CUX2: variants seen among roughly 807,000 people sequenced by gnomAD.
CUX2 encodes cut like homeobox 2.
In CUX2, 40 loss-of-function variants were observed where a neutral mutation model predicts 144.8. That is an observed-to-expected ratio of 0.28 (90% CI 0.21 to 0.36). CUX2 has a LOEUF of 0.36. CUX2 is among the 10% of genes least tolerant of loss of function. CUX2 has a pLI of 1.00. For missense variants in CUX2, 1,615 were observed against 1,994.0 expected, an observed-to-expected ratio of 0.81 and a Z score of 3.62; for synonymous variants, 827 against 875.6, an observed-to-expected ratio of 0.94 and a Z score of 0.98.
intron 1 of CUX2, among the ~76,000 whole-genome samples, chr12:111,136,825 C>T (rs903957967): frequency 7.2e-5 from 11 of 152,162 alleles, no homozygotes; most frequent in African/African-American, 2.7e-4. Context: ...AAGGTCAATG[C>T]CTTTGAAGTC....
chr12:111,184,073 C>G (rs1354313040), intron 1 of CUX2, among the ~76,000 whole-genome samples: 1 of 152,150 alleles, frequency 6.6e-6, no homozygotes, highest in East Asian at 1.9e-4. Context: ...AAGAGGCAGT[C>G]CCTTGCGGGG....
intron 21 of CUX2, among the ~76,000 whole-genome samples, chr12:111,345,236 T>C (rs1048368665): frequency 6.7e-6 from 1 of 149,714 alleles, no homozygotes. Flanking sequence ...GATCACGAAG[T>C]CAAGAGATCG....
intron 1 of CUX2, among the ~76,000 whole-genome samples, chr12:111,043,930 G>A (rs769538283): frequency 4.6e-5 from 7 of 152,292 alleles, no homozygotes; most frequent in Admixed American, 1.3e-4. Context: ...GATAGGACCC[G>A]TGCTGCGCTG....
Position 111,348,468 on chromosome 12 carries a change from T to C in CUX2, c.*143T>C. 2.4e-6 allele frequency: 2 copies of C among 817,132 alleles called. No individual in the cohort carries two copies. Among genetic ancestry groups the C allele is most frequent in the Middle Eastern group, 5.9e-4 (2 of 3,404 alleles). The allele number at this position is 817,132 out of a possible 1,614,324, so 50.6% of individuals were successfully genotyped here. A position where few individuals can be genotyped will look rare whatever the true frequency, so the allele number is the denominator to read the frequency against. ...ATGTTATGCCGTTTACGTTTTTTGT[T>C]GTAATCCTAGTTCTATGAAGCTGTG... On this transcript the variant is annotated 3_prime_UTR_variant, in exon 22 of 22. Transcript: ENST00000261726.
At chr12:111,078,170 C>CCA (rs1483984307) in intron 1 of CUX2, among the ~76,000 whole-genome samples, 2 of 152,148 alleles carry the variant, frequency 1.3e-5, no homozygotes, top group African/African-American at 2.4e-5. Context: ...CCAGTTGAGC[C>CCA]CACACTGTGC....
intron 1 of CUX2, among the ~76,000 whole-genome samples, chr12:111,084,501 T>G (rs1359249289): frequency 2.0e-5 from 3 of 152,122 alleles, no homozygotes; most frequent in Non-Finnish European, 4.4e-5. Flanking sequence ...ATCTTTTTTT[T>G]TTTTTTCCCT....
chr12:111,321,550 C>G (rs191869900), intron 17 of CUX2, among the ~76,000 whole-genome samples: 36 of 151,250 alleles, frequency 2.4e-4, no homozygotes, highest in Non-Finnish European at 3.7e-4. Flanking sequence ...AAAAATTAGC[C>G]AAGTGTGGTG....
chr12:111,299,784 C>T (rs1228260549), intron 9 of CUX2, among the ~76,000 whole-genome samples: 1 of 152,236 alleles, frequency 6.6e-6, no homozygotes, highest in Admixed American at 6.5e-5. Context: ...TCCAGCTCTC[C>T]TCCGAGTTCT....
At chr12:111,116,936 G>A (rs915864912) in intron 1 of CUX2, among the ~76,000 whole-genome samples, 4 of 152,204 alleles carry the variant, frequency 2.6e-5, no homozygotes, top group Non-Finnish European at 5.9e-5. Flanking sequence ...ACCACGGACT[G>A]TGACTGGCCT....
Position 111,111,157 on chromosome 12 carries a change from C to T in CUX2, c.63+76917C>T, listed in dbSNP as rs564626952. 9.2e-5 allele frequency among the ~76,000 whole-genome samples: 14 copies of T among 152,282 alleles called. No individual in the cohort carries two copies. The South Asian group carries it at 2.7e-3, about 29-fold the overall frequency. On this transcript the variant is annotated intron_variant, in intron 1 of 21. Coordinates refer to ENST00000261726, the MANE Select transcript of CUX2 (RefSeq NM_015267.4). The stretch of plus-strand genomic sequence containing the variant: ...TCTCTACTAAAAATACAAAAATTAT[C>T]TGGGCATGGTGGCGTGCACCTGTAA...
At chr12:111,276,106 A>G (rs1349448045) in intron 4 of CUX2, among the ~76,000 whole-genome samples, 2 of 152,252 alleles carry the variant, frequency 1.3e-5, no homozygotes, top group Middle Eastern at 3.4e-3. Context: ...TAATCAAAGC[A>G]CTTTGGAAGG....
intron 1 of CUX2, among the ~76,000 whole-genome samples, chr12:111,184,966 G>A (rs536842796): frequency 1.3e-5 from 2 of 152,136 alleles, no homozygotes; most frequent in Admixed American, 6.5e-5. Context: ...GGAGGCTGAG[G>A]CAGGAGGAGA....
chr12:111,305,708 T>G (rs1886545112), intron 10 of CUX2, among the ~76,000 whole-genome samples: 1 of 152,122 alleles, frequency 6.6e-6, no homozygotes, highest in Non-Finnish European at 1.5e-5. Context: ...AAAATGGTGC[T>G]TGGGTCATTG....
At chr12:111,129,484 G>C (rs1875310923) in intron 1 of CUX2, among the ~76,000 whole-genome samples, 1 of 152,256 alleles carries the variant, frequency 6.6e-6, no homozygotes, top group Non-Finnish European at 1.5e-5. Context: ...CAGGTCCCAG[G>C]AGATTCAGGC....
chr12:111,075,233 G>A (rs991333981), intron 1 of CUX2, among the ~76,000 whole-genome samples: 4 of 152,324 alleles, frequency 2.6e-5, no homozygotes, highest in South Asian at 4.1e-4. Flanking sequence ...CCAACTAGGC[G>A]GGCCGACCCT....
At chr12:111,314,539 C>T (rs543630384) in intron 16 of CUX2, among the ~76,000 whole-genome samples, 1 of 149,492 alleles carries the variant, frequency 6.7e-6, no homozygotes, top group East Asian at 2.0e-4. Flanking sequence ...TATTTGGAGG[C>T]TGAGGCAGGA....
intron 2 of CUX2, among the ~76,000 whole-genome samples, 182 bp from the exon 3 acceptor site, chr12:111,217,708 C>T (rs566934899): frequency 2.0e-5 from 3 of 152,310 alleles, no homozygotes; most frequent in African/African-American, 7.2e-5. Flanking sequence ...CTTGACGTTT[C>T]CCAGTCTGGT....
At chr12:111,268,120 G>T (rs1440916672) in intron 4 of CUX2, among the ~76,000 whole-genome samples, 1 of 151,760 alleles carries the variant, frequency 6.6e-6, no homozygotes, top group Non-Finnish European at 1.5e-5. Context: ...AATGACACTT[G>T]TCATTAGATT....
intron 3 of CUX2, among the ~76,000 whole-genome samples, chr12:111,243,366 A>G (rs1883122332): frequency 6.6e-6 from 1 of 152,130 alleles, no homozygotes; most frequent in Non-Finnish European, 1.5e-5. Context: ...TCTACCCTCA[A>G]AATTTTAATA....
Sources: allele counts gnomAD v4.1 joint callset (sites outside exome capture counted in the v4.1 genomes callset), GRCh38; gene constraint gnomAD v4.1.1; transcripts MANE v1.5; gene names NCBI Gene and HGNC (gene_info 2026-07-23, HGNC 2026-07-21).